The following CNTLN variants were observed in gnomAD, a reference collection of about 807,000 sequenced individuals.
The protein encoded by CNTLN is centlein, centrosomal protein.
Under a neutral mutation model 180.0 loss-of-function variants are expected in CNTLN, and 212 were observed. The ratio of observed to expected loss-of-function variants is 1.18; its 90% CI spans 1.05 to 1.32. The LOEUF is 1.32. Among genes scored for constraint, CNTLN ranks in the 40% most tolerant of loss-of-function variants. The pLI is 0.00. For missense variants in CNTLN, 2,095 were observed against 1,610.9 expected (o/e 1.30, Z -5.14); for synonymous variants, 722 against 563.1 (o/e 1.28, Z -3.99).
At chr9:17,212,019 C>T (rs190642975) in intron 2 of CNTLN, among the ~76,000 whole-genome samples, 3,950 of 152,222 alleles carry the variant, frequency 0.026, 174 homozygotes, top group African/African-American at 0.089. Context: ...ATTTGACTTC[C>T]TCTTTTCCTA....
At chr9:17,190,631 G>C (rs1419521718) in intron 2 of CNTLN, among the ~76,000 whole-genome samples, 4 of 152,048 alleles carry the variant, frequency 2.6e-5, no homozygotes, top group Admixed American at 2.6e-4. Flanking sequence ...ATTTCTTAGT[G>C]GTCAAAAATT....
At chr9:17,395,294 A>G (rs1029810760) in intron 15 of CNTLN, among the ~76,000 whole-genome samples, 1 of 152,178 alleles carries the variant, frequency 6.6e-6, no homozygotes, top group African/African-American at 2.4e-5. Context: ...AGGAAACCCA[A>G]AAGAAGGCAA....
chr9:17,336,806 A>G (rs1245175652), intron 10 of CNTLN, among the ~76,000 whole-genome samples: 1 of 152,142 alleles, frequency 6.6e-6, no homozygotes, highest in Non-Finnish European at 1.5e-5. Context: ...TGCTGCACCC[A>G]TCAACCTGTC....
rs537377629 is a variant in CNTLN, at chr9:17,249,612, G to A, written c.849+13024G>A. ...GATCTGCCTTCCTCGGCCCCCCAAA[G>A]TGCTGGGATTACAGGCACGAGCTGC... On this transcript the variant is annotated intron_variant, in intron 5 of 25. Coordinates refer to ENST00000380647, the MANE Select transcript of CNTLN (RefSeq NM_017738.4). 1.1e-4 allele frequency among the ~76,000 whole-genome samples: 17 copies of A among 152,048 alleles called. No individual in the cohort carries two copies. The South Asian group carries it at 3.5e-3, about 32-fold the overall frequency.
At position 17,438,234 on chromosome 9, in the gene CNTLN, C is replaced by T. The variant is rs560249106; in HGVS notation, c.3115-19290C>T. Among the ~76,000 whole-genome samples the T allele has an allele frequency of 1.6e-4, 24 of 151,816 alleles. No individual in the cohort carries two copies. In the South Asian group the frequency reaches 3.5e-3, roughly 22 times the overall value. The stretch of plus-strand genomic sequence containing the variant: ...TAGAATAAGGACTGAGACTAAGGCT[C>T]GAGAGACTAGAGATTGAATGCAAGC... On this transcript the variant is annotated intron_variant, in intron 18 of 25. Coordinates refer to ENST00000380647, the MANE Select transcript of CNTLN (RefSeq NM_017738.4).
chr9:17,440,720 C>G (rs886717474), intron 18 of CNTLN, among the ~76,000 whole-genome samples: 2 of 152,046 alleles, frequency 1.3e-5, no homozygotes, highest in African/African-American at 4.8e-5. Context: ...GGAGAAAAAA[C>G]TGTGGTGTAT....
chr9:17,323,465 G>C lies in CNTLN; in HGVS notation c.1342-7167G>C, dbSNP rs111717175. Reference sequence around the variant, plus strand: ...GGCGGGTCACGAGCTTCAGGGAGTAGAAGCACAAGCTCCTCCATATGTTCT... The same window carrying C: ...GGCGGGTCACGAGCTTCAGGGAGTACAAGCACAAGCTCCTCCATATGTTCT... On this transcript the variant is annotated intron_variant, in intron 8 of 25. Transcript: ENST00000380647. 2.2e-3 allele frequency among the ~76,000 whole-genome samples: 335 copies of C among 152,300 alleles called. 1 individual carries two copies. The highest frequency in any genetic ancestry group is 7.7e-3 in the African/African-American group (318 of 41,558).
At chr9:17,299,631 C>T (rs975594369) in intron 7 of CNTLN, 2 of 985,248 alleles carry the variant, frequency 2.0e-6, no homozygotes, top group Non-Finnish European at 1.2e-6. Context: ...TACAGTCTTC[C>T]ACTTCAGCTA....
At chr9:17,442,735 T>C (rs1169214921) in intron 18 of CNTLN, among the ~76,000 whole-genome samples, 1 of 152,132 alleles carries the variant, frequency 6.6e-6, no homozygotes, top group Non-Finnish European at 1.5e-5. Context: ...GGGTTAAAGA[T>C]GTCACAAAGA....
rs182957691 is a variant in CNTLN, at chr9:17,192,805, A to T, written c.450-33398A>T. On this transcript the variant is annotated intron_variant, in intron 2 of 25. Coordinates refer to ENST00000380647, the MANE Select transcript of CNTLN (RefSeq NM_017738.4). ...TTATTTTAAGATCCTAGACTTATTA[A>T]AATCTTCTATTAATAAATTGATTCA... is the stretch of plus-strand genomic sequence containing the variant. Among the ~76,000 whole-genome samples the T allele has an allele frequency of 1.4e-4, 21 of 152,318 alleles. No homozygotes were observed. In the East Asian group the frequency reaches 3.9e-3, roughly 28 times the overall value.
At chr9:17,393,462 C>T (rs1160235591) in intron 14 of CNTLN, among the ~76,000 whole-genome samples, 1 of 152,148 alleles carries the variant, frequency 6.6e-6, no homozygotes, top group Admixed American at 6.6e-5. Context: ...ATTTTCCATA[C>T]ACGTCTGAGT....
chr9:17,276,913 C>T lies in CNTLN; in HGVS notation c.983+3047C>T, dbSNP rs533741723. On this transcript the variant is annotated intron_variant, in intron 6 of 25. Coordinates refer to ENST00000380647, the MANE Select transcript of CNTLN (RefSeq NM_017738.4). ...CTATTGTTGGTTGAATTTGTGGAAGCAGAAACCACAGATATGGAAGTCCAA... is the reference window on the plus strand; with the variant it reads ...CTATTGTTGGTTGAATTTGTGGAAGTAGAAACCACAGATATGGAAGTCCAA... 4.6e-5 allele frequency among the ~76,000 whole-genome samples: 7 copies of T among 152,066 alleles called. 1 individual carries two copies. In the South Asian group the frequency reaches 1.5e-3, roughly 32 times the overall value.
At chr9:17,379,239 T>G (rs1472074123) in intron 13 of CNTLN, among the ~76,000 whole-genome samples, 1 of 152,110 alleles carries the variant, frequency 6.6e-6, no homozygotes, top group Non-Finnish European at 1.5e-5. Context: ...TCCTCTAAGT[T>G]TTCTCTAATC....
At chr9:17,527,080 A>C in the CNTLN span, among the ~76,000 whole-genome samples, 28 of 152,158 alleles carry the variant, frequency 1.8e-4, no homozygotes, top group African/African-American at 6.7e-4. Flanking sequence ...ATGGGGTTTC[A>C]CCATGTTGGC....
chr9:17,219,630 T>A (rs1192800488), intron 2 of CNTLN, among the ~76,000 whole-genome samples: 1 of 152,126 alleles, frequency 6.6e-6, no homozygotes, highest in African/African-American at 2.4e-5. Flanking sequence ...CAATATTATG[T>A]CACTCAGATT....
At chr9:17,273,655 ATAAT>A (rs765795923) in intron 5 of CNTLN, 74 bp from the exon 6 acceptor site, 4 of 718,832 alleles carry the variant, frequency 5.6e-6, no homozygotes, top group Non-Finnish European at 8.4e-6. Flanking sequence ...ATTTTGTAGA[ATAAT>A]TAAATATAAC....
At chr9:17,201,001 G>T (rs570047419) in intron 2 of CNTLN, among the ~76,000 whole-genome samples, 1 of 152,152 alleles carries the variant, frequency 6.6e-6, no homozygotes, top group Non-Finnish European at 1.5e-5. Context: ...TTTGCGATAC[G>T]TTCCATCAAT....
chr9:17,446,797 A>G (rs1186446969), intron 18 of CNTLN, among the ~76,000 whole-genome samples: 3 of 152,184 alleles, frequency 2.0e-5, no homozygotes, highest in Non-Finnish European at 4.4e-5. Flanking sequence ...ATACCATAAA[A>G]TAAGAAGTAA....
intron 2 of CNTLN, among the ~76,000 whole-genome samples, chr9:17,207,058 G>C (rs1822975091): frequency 6.6e-6 from 1 of 152,162 alleles, no homozygotes; most frequent in African/African-American, 2.4e-5. Flanking sequence ...ATCCGCCACA[G>C]TCTGGTGAGT....
Sources: gnomAD v4.1 joint callset for allele counts (sites outside exome capture counted in the v4.1 genomes callset) on GRCh38, gnomAD v4.1.1 for gene constraint, MANE v1.5 for transcripts, NCBI Gene and HGNC (gene_info 2026-07-23, HGNC 2026-07-21) for gene names.